Variants in NES observed in about 807,000 individuals in gnomAD.
NES encodes the protein nestin.
Under a neutral mutation model 35.6 loss-of-function variants are expected in NES, and 27 were observed. The ratio of observed to expected loss-of-function variants is 0.76; its 90% CI spans 0.56 to 1.04. The LOEUF (loss-of-function observed/expected upper bound fraction) is 1.04, where lower values mean the gene tolerates loss of function less well. NES is among the 50% of genes least tolerant of loss of function. The pLI is 0.00. For synonymous variants in NES, 822 were observed against 824.2 expected (o/e 1.00, Z 0.04); for missense variants, 1,867 against 1,983.6 (o/e 0.94, Z 1.12).
chr1:156,671,304 C>A lies in NES; in HGVS notation c.2884G>T (p.Ala962Ser), dbSNP rs1202564799. ...GCCATCCCAGGAGGGCTTTCCTGAG[C>A]CAGTTCTTGGTCCTTCTCCACCGTA... ...EDTVEKDQEL[A>S]QESPPGMAGV... The change falls in exon 4 of 4, where the codon GCT becomes TCT. Residue 962 changes from alanine to serine, a missense_variant. Coordinates refer to ENST00000368223, the MANE Select transcript of NES (RefSeq NM_006617.2). 1.9e-6 allele frequency: 3 copies of A among 1,614,066 alleles called. No individual in the cohort carries two copies. Among genetic ancestry groups the A allele is most frequent in the Non-Finnish European group, 2.5e-6 (3 of 1,180,030 alleles).
Position 156,670,909 on chromosome 1 carries a change from A to G in NES, c.3279T>C (p.Ser1093=). 7.2e-7 allele frequency: 1 copy of G among 1,396,388 alleles called. No individual in the cohort carries two copies. Among genetic ancestry groups the G allele is most frequent in the Non-Finnish European group, 9.6e-7 (1 of 1,042,078 alleles). 86.5% of individuals were successfully genotyped at this position (1,396,388 alleles called of 1,614,324 possible). Residue 1093 remains serine (S), a synonymous_variant, in exon 4 of 4, where the codon TCT becomes TCC. Coordinates refer to ENST00000368223, the MANE Select transcript of NES (RefSeq NM_006617.2). ...MLGSEPAMGE[S]AAGAEPGPGQ... ...CCGGGCCTGGCTCAGCTCCCGCAGC[A>G]GACTCACCCATGGCAGGCTCTGACC... is the stretch of plus-strand genomic sequence containing the variant.
rs1305476860 is a variant in NES, at chr1:156,669,224, TAAGTTA to T, written c.*92_*97del. The T allele has an allele frequency of 5.4e-5, 43 of 792,546 alleles. 1 individual carries two copies. In the Middle Eastern group the frequency reaches 5.6e-3, roughly 103 times the overall value. 49.1% of individuals were successfully genotyped at this position (792,546 alleles called of 1,614,324 possible). ...CCAGAAACCATATGTCAAGAGATCG[TAAGTTA>T]AGAGTGCTGCTCCTGAGCAGGGAGC... On this transcript the variant is annotated 3_prime_UTR_variant, in exon 4 of 4. Transcript: ENST00000368223.
chr1:156,669,397 G>A lies in NES; in HGVS notation c.4791C>T (p.His1597=). The A allele has an allele frequency of 1.2e-6, 2 of 1,611,338 alleles. No individual in the cohort carries two copies. The highest frequency in any genetic ancestry group is 1.3e-5 in the African/African-American group (1 of 74,848). Residue 1597 remains histidine, a synonymous_variant, in exon 4 of 4, where the codon CAC becomes CAT. Coordinates refer to ENST00000368223, the MANE Select transcript of NES (RefSeq NM_006617.2). ...ACTTCAGGAACTGACCCTGGCCCAGGTGAACAGGAGCCCCTGCCCAAGAGG... is the reference window on the plus strand; with the variant it reads ...ACTTCAGGAACTGACCCTGGCCCAGATGAACAGGAGCCCCTGCCCAAGAGG... ...LKTSWAGAPV[H]LGQGQFLKFT... is the part of the protein sequence containing the mutation.
rs768182776 is a variant in NES at position 156,676,151 on chromosome 1, GTCC to G, written c.783+328_783+330del. ...CAGCGCAGAGGCGACAGTGCTGGGT[GTCC>G]TCCTAGTAATACCAGAGCCTGGGAA... On this transcript the variant is annotated intron_variant, in intron 1 of 3. Coordinates refer to ENST00000368223, the MANE Select transcript of NES (RefSeq NM_006617.2). This position sits in a 1 kb window ranked among gnomAD's most constrained non-coding sequence, Gnocchi z 5.3. Among the ~76,000 whole-genome samples the G allele has an allele frequency of 2.6e-5, 4 of 152,356 alleles. No individual in the cohort carries two copies. Among genetic ancestry groups the G allele is most frequent in the South Asian group, 2.1e-4 (1 of 4,830 alleles).
Position 156,677,055 on chromosome 1 carries a change from G to T in NES, c.210C>A (p.Arg70=). The change falls in exon 1 of 4, where the codon CGC becomes CGA. Residue 70 remains arginine (R), a synonymous_variant. Transcript: ENST00000368223. The surrounding 1 kb of genome is among the most constrained non-coding windows in gnomAD (Gnocchi z 4.5). ...LAALRALVDQ[R]WREKHAAEVA... Reference sequence around the variant, plus strand: ...CCTCGGCCGCGTGCTTCTCCCGCCAGCGTTGGTCAACGAGGGCCCGCAGGG... The same window carrying T: ...CCTCGGCCGCGTGCTTCTCCCGCCATCGTTGGTCAACGAGGGCCCGCAGGG... 1.3e-6 allele frequency: 2 copies of T among 1,596,724 alleles called. No homozygotes were observed. Among genetic ancestry groups the T allele is most frequent in the African/African-American group, 1.3e-5 (1 of 74,582 alleles).
In NES at chr1:156,671,818, A is replaced by G. The variant is rs974525932; in HGVS notation, c.2370T>C (p.Ser790=). 6.2e-7 allele frequency: 1 copy of G among 1,614,036 alleles called. No homozygotes were observed. Residue 790 remains serine, a synonymous_variant, in exon 4 of 4, where the codon TCT becomes TCC. Coordinates refer to ENST00000368223, the MANE Select transcript of NES (RefSeq NM_006617.2). ...GAGGTCTAGCTATCTCCTGGTCAAG[A>G]GACTTCAGTGGTTCTAGATCCACTT... The part of the protein sequence containing the change: ...PEKVDLEPLK[S]LDQEIARPLE...
At position 156,670,789 on chromosome 1, in the gene NES, C is replaced by A. The variant is rs17393797; in HGVS notation, c.3399G>T (p.Arg1133Ser). The A allele has an allele frequency of 5.0e-6, 8 of 1,613,994 alleles. No individual in the cohort carries two copies. Among genetic ancestry groups the A allele is most frequent in the Admixed American group, 1.7e-5 (1 of 60,002 alleles). ...PLEEESLEAK[R>S]VQGLEGPRKD... is the part of the protein sequence containing the mutation. ...TTCTAGGCCCTTCCAAGCCCTGAAC[C>A]CTCTTTGCCTCCAAACTCTCCTCTT... is the stretch of plus-strand genomic sequence containing the variant. Residue 1133 changes from arginine to serine, a missense_variant, in exon 4 of 4, where the codon AGG becomes AGT. Transcript: ENST00000368223.
In NES at chr1:156,677,298, GC is replaced by G. The variant is rs1379816498; in HGVS notation, c.-35del. The G allele has an allele frequency of 6.4e-7, 1 of 1,566,774 alleles. No homozygotes were observed. Among genetic ancestry groups the G allele is most frequent in the African/African-American group, 1.4e-5 (1 of 71,724 alleles). On this transcript the variant is annotated 5_prime_UTR_variant, in exon 1 of 4. Coordinates refer to ENST00000368223, the MANE Select transcript of NES (RefSeq NM_006617.2). The surrounding 1 kb of genome is among the most constrained non-coding windows in gnomAD (Gnocchi z 4.5). ...TCTGACCCACTGAGGATGGACAGACGCGGGGCACCGGGAGAAGGGAGCGGCT... is the reference window on the plus strand; with the variant it reads ...TCTGACCCACTGAGGATGGACAGACGGGGGCACCGGGAGAAGGGAGCGGCT...
In NES at chr1:156,672,968, G is replaced by A. The variant is rs1373371927; in HGVS notation, c.1220C>T (p.Ala407Val). Reference sequence around the variant, plus strand: ...GAGCAGAGAGAGAGGAGCATCCTGGGCTCTGATCTCTGCATCTACAGCAGG... The same window carrying A: ...GAGCAGAGAGAGAGGAGCATCCTGGACTCTGATCTCTGCATCTACAGCAGG... ...PSPAVDAEIR[A>V]QDAPLSLLQT... Residue 407 changes from alanine to valine, a missense_variant, in exon 4 of 4, where the codon GCC becomes GTC. Transcript: ENST00000368223. The A allele has an allele frequency of 3.1e-6, 5 of 1,614,062 alleles. No individual in the cohort carries two copies. The Admixed American group carries it at 8.3e-5, about 27-fold the overall frequency.
chr1:156,669,949 T>G lies in NES; in HGVS notation c.4239A>C (p.Ala1413=). The G allele has an allele frequency of 1.2e-6, 2 of 1,611,728 alleles. No individual in the cohort carries two copies. Among genetic ancestry groups the G allele is most frequent in the Admixed American group, 1.7e-5 (1 of 59,920 alleles). The change falls in exon 4 of 4, where the codon GCA becomes GCC. Residue 1413 remains alanine (A), a synonymous_variant. Transcript: ENST00000368223. ...CCTCCTCCCCACTTTCTTCCTCATC[T>G]GCAAACCCATCGGACTCCCCATCTC... ...WDRDGESDGF[A]DEEESGEEGE...
rs751310959 is a variant in NES at position 156,672,903 on chromosome 1, G to A, written c.1285C>T (p.Arg429Trp). 7.4e-6 allele frequency: 12 copies of A among 1,613,786 alleles called. No homozygotes were observed. Among genetic ancestry groups the A allele is most frequent in the Middle Eastern group, 3.3e-4 (2 of 6,082 alleles). ...GGRKQAPEPLRAEARVAIPAS... is the reference protein window; with the variant it reads ...GGRKQAPEPLWAEARVAIPAS... ...GGAATGGCCACCCTGGCTTCAGCCC[G>A]CAGGGGCTCTGGAGCCTGTTTCCTC... Residue 429 changes from arginine (R) to tryptophan (W), a missense_variant, in exon 4 of 4, where the codon CGG becomes TGG. Arg to Trp is a moderately radical substitution (Grantham distance 101). Coordinates refer to ENST00000368223, the MANE Select transcript of NES (RefSeq NM_006617.2).
chr1:156,674,255 G>T (rs1012705554), intron 2 of NES, among the ~76,000 whole-genome samples: 13 of 152,080 alleles, frequency 8.5e-5, no homozygotes, highest in Non-Finnish European at 1.8e-4. Flanking sequence ...AAAGAGGGGA[G>T]CAGGGACCAA....
At chr1:156,674,970 C>T (rs1317705529) in intron 2 of NES, among the ~76,000 whole-genome samples, 2 of 152,338 alleles carry the variant, frequency 1.3e-5, no homozygotes, top group African/African-American at 2.4e-5. Context: ...CTGTCCCGCT[C>T]GGCAATATCA....
At position 156,676,905 on chromosome 1, in the gene NES, T is replaced by C; in HGVS notation, c.360A>G (p.Lys120=). The C allele has an allele frequency of 6.4e-7, 1 of 1,553,420 alleles. No homozygotes were observed. Among genetic ancestry groups the C allele is most frequent in the Non-Finnish European group, 8.6e-7 (1 of 1,159,556 alleles). ...GGCTACTCAGCCAGGCCCGGGCGCA[T>C]TTCTCTGCCTCGACGGCGCGCCGGT... ...ARNRRAVEAE[K]CARAWLSSQV... Residue 120 remains lysine, a synonymous_variant, in exon 1 of 4, where the codon AAA becomes AAG. Transcript: ENST00000368223. This position sits in a 1 kb window ranked among gnomAD's most constrained non-coding sequence, Gnocchi z 5.3.
In NES at chr1:156,669,369, T is replaced by G. The variant is rs911786559; in HGVS notation, c.4819A>C (p.Thr1607Pro). The change falls in exon 4 of 4, where the codon ACT becomes CCT. Residue 1607 changes from threonine (T) to proline (P), a missense_variant. Thr to Pro is a conservative substitution (Grantham distance 38). Coordinates refer to ENST00000368223, the MANE Select transcript of NES (RefSeq NM_006617.2). ...GACTCTCTATCTCCTTCCCTCTGAG[T>G]GAACTTCAGGAACTGACCCTGGCCC... ...HLGQGQFLKF[T>P]QREGDRESWS... 3.1e-6 allele frequency: 5 copies of G among 1,601,942 alleles called. No homozygotes were observed. The African/African-American group carries it at 6.7e-5, about 21-fold the overall frequency.
rs374208789 is a variant in NES, at chr1:156,675,374, G to T, written c.784-34C>A. ...CAGGCGAGAGGCAGTCAGTGGAGGGGCTGGGGTCCCTTCTGTGAACCAACC... is the reference window on the plus strand; with the variant it reads ...CAGGCGAGAGGCAGTCAGTGGAGGGTCTGGGGTCCCTTCTGTGAACCAACC... On this transcript the variant is annotated intron_variant, in intron 1 of 3. Transcript: ENST00000368223. 7.1e-5 allele frequency: 112 copies of T among 1,571,896 alleles called. 1 individual carries two copies. The highest frequency in any genetic ancestry group is 1.1e-4 in the Admixed American group (6 of 55,908).
intron 1 of NES, 57 bp from the exon 2 acceptor site, chr1:156,675,397 A>G (rs910910670): frequency 9.8e-6 from 15 of 1,533,050 alleles, no homozygotes; most frequent in South Asian, 2.5e-5. Flanking sequence ...CTGTGAACCA[A>G]CCTGCCTCCT....
Position 156,669,313 on chromosome 1 carries a change from G to C in NES, c.*9C>G. ...CCTAAGTCCCCAGTGCCGGGCAGAT[G>C]GTCTTTTCCTAGTCCTCCCCTGAGG... On this transcript the variant is annotated 3_prime_UTR_variant, in exon 4 of 4. Coordinates refer to ENST00000368223, the MANE Select transcript of NES (RefSeq NM_006617.2). The C allele has an allele frequency of 6.5e-7, 1 of 1,531,390 alleles. No homozygotes were observed. The highest frequency in any genetic ancestry group is 8.8e-7 in the Non-Finnish European group (1 of 1,134,094). The allele number at this position is 1,531,390 out of a possible 1,614,324, so 94.9% of individuals were successfully genotyped here. A position where few individuals can be genotyped will look rare whatever the true frequency, so the allele number is the denominator to read the frequency against.
chr1:156,670,994 G>A lies in NES; in HGVS notation c.3194C>T (p.Pro1065Leu). The A allele has an allele frequency of 6.2e-7, 1 of 1,611,340 alleles. No homozygotes were observed. The highest frequency in any genetic ancestry group is 8.5e-7 in the Non-Finnish European group (1 of 1,179,054). Residue 1065 changes from proline (P) to leucine (L), a missense_variant, in exon 4 of 4, where the codon CCC becomes CTC. Physicochemically the swap from Pro to Leu is moderately conservative, Grantham distance 98 (BLOSUM62 -3). Transcript: ENST00000368223. The stretch of plus-strand genomic sequence containing the variant: ...TGGGGCCACATCATCTTCCACCAGG[G>A]GCTCTATCGCCTCTGGCAGCCCCTG... ...APQGLPEAIEPLVEDDVAPGG... is the reference protein window; with the variant it reads ...APQGLPEAIELLVEDDVAPGG...
Sources: allele counts gnomAD v4.1 joint callset (sites outside exome capture counted in the v4.1 genomes callset), GRCh38; gene constraint gnomAD v4.1.1; non-coding constraint Gnocchi (gnomAD v3.1); transcripts MANE v1.5; gene names NCBI Gene and HGNC (gene_info 2026-07-23, HGNC 2026-07-21).